MALT1: variants seen among roughly 807,000 people sequenced by gnomAD.
MALT1 encodes MALT1 paracaspase, also known as mucosa-associated lymphoid tissue lymphoma translocation protein 1.
A neutral mutation model predicts 85.5 loss-of-function variants in MALT1; 36 were observed. That is an observed-to-expected ratio of 0.42 (90% confidence interval 0.32 to 0.56). The LOEUF (loss-of-function observed/expected upper bound fraction) is 0.56, where lower values mean the gene tolerates loss of function less well. Among genes scored for constraint, MALT1 ranks in the 20% least tolerant of loss-of-function variants. The pLI, the probability that MALT1 is intolerant of heterozygous loss-of-function variation, is 0.10. For missense variants in MALT1, 716 were observed against 981.6 expected (o/e 0.73, Z 3.62); for synonymous variants, 359 against 361.3 (o/e 0.99, Z 0.07).
At position 58,752,026 on chromosome 18, in the gene MALT1, T is replaced by G. The variant is rs777757124; in HGVS notation, c.*4184T>G. 1 of 152,240 alleles carries G rather than the reference T, an allele frequency of 6.6e-6. No individual in the cohort carries two copies. Among genetic ancestry groups the G allele is most frequent in the Non-Finnish European group, 1.5e-5 (1 of 68,040 alleles). The allele number at this position is 152,240 out of a possible 1,614,324, so 9.4% of individuals were successfully genotyped here. A position where few individuals can be genotyped will look rare whatever the true frequency, so the allele number is the denominator to read the frequency against. ...CCCATCTCTAATGCCTCTTTTCAAA[T>G]CTCTGACTTGCACATGAAGTAACAG... On this transcript the variant is annotated 3_prime_UTR_variant, in exon 17 of 17. Transcript: ENST00000649217.
rs558928879 is a variant in MALT1 at position 58,733,376 on chromosome 18, TCTTA to T, written c.1223-20_1223-17del. ...CATTTAGAATTGACATCTATCTCTCTCTTATTTTTCCTCTTTTCAGGGTTATTAT... is the reference window on the plus strand; with the variant it reads ...CATTTAGAATTGACATCTATCTCTCTTTTTTCCTCTTTTCAGGGTTATTAT... On this transcript the variant is annotated splice_polypyrimidine_tract_variant and intron_variant, in intron 10 of 16. Coordinates refer to ENST00000649217, the MANE Select transcript of MALT1 (RefSeq NM_006785.4). The T allele has an allele frequency of 7.9e-3, 12,179 of 1,533,728 alleles. 63 individuals are homozygous for T. Among genetic ancestry groups the T allele is most frequent in the Non-Finnish European group, 9.7e-3 (10,941 of 1,123,698 alleles).
At chr18:58,738,628 A>G (rs997093971) in intron 13 of MALT1, among the ~76,000 whole-genome samples, 8 of 152,206 alleles carry the variant, frequency 5.3e-5, no homozygotes, top group African/African-American at 1.9e-4. Context: ...CCAGCAAGGG[A>G]TAATGTGAAT....
At chr18:58,731,105 C>A (rs947608018) in intron 10 of MALT1, among the ~76,000 whole-genome samples, 1 of 152,170 alleles carries the variant, frequency 6.6e-6, no homozygotes, top group African/African-American at 2.4e-5. Context: ...GCTCCCACCA[C>A]CACACTTAGC....
chr18:58,706,323 A>G (rs1040089192), intron 4 of MALT1, among the ~76,000 whole-genome samples: 2 of 151,970 alleles, frequency 1.3e-5, no homozygotes, highest in Non-Finnish European at 2.9e-5. Flanking sequence ...TGCCCGGGTA[A>G]TTTTTGTATT....
chr18:58,681,392 A>G, intron 2 of MALT1, 56 bp downstream of exon 2: 1 of 1,506,610 alleles, frequency 6.6e-7, no homozygotes, highest in Non-Finnish European at 9.0e-7. Context: ...AACTTAGAAG[A>G]AATTATCTCT....
chr18:58,689,019 A>T (rs1294348257), intron 2 of MALT1, among the ~76,000 whole-genome samples: 1 of 151,994 alleles, frequency 6.6e-6, no homozygotes, highest in Non-Finnish European at 1.5e-5. Flanking sequence ...GGGTATGGTG[A>T]TGCACACCCG....
chr18:58,707,386 A>G (rs927398440), intron 4 of MALT1, among the ~76,000 whole-genome samples: 4 of 150,214 alleles, frequency 2.7e-5, no homozygotes, highest in Non-Finnish European at 5.9e-5. Context: ...ACAAGTAAAC[A>G]TGGTTTATTT....
chr18:58,710,107 A>G (rs745384854), intron 6 of MALT1, 35 bp downstream of exon 6: 2 of 1,330,942 alleles, frequency 1.5e-6, no homozygotes, highest in East Asian at 4.6e-5. Flanking sequence ...TGACAAGTGG[A>G]CTATAATATA....
At chr18:58,699,759 G>A (rs1028584728) in intron 3 of MALT1, among the ~76,000 whole-genome samples, 1 of 152,240 alleles carries the variant, frequency 6.6e-6, no homozygotes, top group African/African-American at 2.4e-5. Context: ...CCTTGGCAAT[G>A]TGCCAAAGTT....
At chr18:58,693,390 C>T (rs2054542367) in intron 2 of MALT1, among the ~76,000 whole-genome samples, 1 of 152,150 alleles carries the variant, frequency 6.6e-6, no homozygotes, top group African/African-American at 2.4e-5. Context: ...CACTGCACTC[C>T]AGCCTAGGTA....
Position 58,741,845 on chromosome 18 carries a change from T to A in MALT1, c.1604-20T>A. On this transcript the variant is annotated intron_variant, in intron 13 of 16. Transcript: ENST00000649217. The stretch of plus-strand genomic sequence containing the variant: ...AGAATTGGTGGTCTTAAAAATAATA[T>A]TTATTTTCATATCTTTTAGATATGG... 1.4e-6 allele frequency: 2 copies of A among 1,418,966 alleles called. No individual in the cohort carries two copies. The highest frequency in any genetic ancestry group is 1.9e-6 in the Non-Finnish European group (2 of 1,046,358). The allele number at this position is 1,418,966 out of a possible 1,614,324, so 87.9% of individuals were successfully genotyped here.
At position 58,700,601 on chromosome 18, in the gene MALT1, G is replaced by C. The variant is rs770349160; in HGVS notation, c.649+10G>C. On this transcript the variant is annotated intron_variant, in intron 4 of 16. Transcript: ENST00000649217. Reference sequence around the variant, plus strand: ...CCAGAGAGCTTCCAGAGTAAGTAACGAAAGAAGCTGAATGTTGGGATGGGG... The same window carrying C: ...CCAGAGAGCTTCCAGAGTAAGTAACCAAAGAAGCTGAATGTTGGGATGGGG... 1 of 1,578,080 alleles carries C rather than the reference G, an allele frequency of 6.3e-7. No homozygotes were observed. Among genetic ancestry groups the C allele is most frequent in the South Asian group, 1.2e-5 (1 of 83,774 alleles).
chr18:58,672,447 C>G (rs917813503), intron 1 of MALT1: 1 of 152,040 alleles, frequency 6.6e-6, no homozygotes, highest in Non-Finnish European at 1.5e-5. Flanking sequence ...AACTATTTTC[C>G]TTGTTAGGTT....
chr18:58,675,737 C>T (rs181940058), intron 1 of MALT1, among the ~76,000 whole-genome samples: 20 of 152,316 alleles, frequency 1.3e-4, no homozygotes, highest in Non-Finnish European at 2.6e-4. Flanking sequence ...TTGGTCTTAT[C>T]CTTCAGTCCC....
At chr18:58,731,546 A>G (rs2055149510) in intron 10 of MALT1, among the ~76,000 whole-genome samples, 1 of 152,016 alleles carries the variant, frequency 6.6e-6, no homozygotes, top group Non-Finnish European at 1.5e-5. Context: ...TCCAGGTCCA[A>G]TCCGTGTTTA....
intron 2 of MALT1, among the ~76,000 whole-genome samples, chr18:58,684,119 T>C (rs1415813092): frequency 6.6e-6 from 1 of 152,016 alleles, no homozygotes; most frequent in East Asian, 1.9e-4. Context: ...TTTTGGTAGA[T>C]ACGGGGTTTT....
intron 13 of MALT1, among the ~76,000 whole-genome samples, chr18:58,739,857 T>C (rs940275813): frequency 3.9e-5 from 6 of 152,204 alleles, no homozygotes; most frequent in African/African-American, 1.4e-4. Flanking sequence ...GCGCCCATCT[T>C]GTTGGTACTG....
chr18:58,714,905 T>C (rs2054879280), intron 8 of MALT1, among the ~76,000 whole-genome samples: 1 of 152,242 alleles, frequency 6.6e-6, no homozygotes, highest in South Asian at 2.1e-4. Context: ...TCTCATTATT[T>C]TAGCATCATT....
chr18:58,733,665 G>C (rs2055185339), intron 11 of MALT1, 91 bp downstream of exon 11: 2 of 1,066,444 alleles, frequency 1.9e-6, no homozygotes, highest in Admixed American at 5.8e-5. Flanking sequence ...AAAGCCATTT[G>C]CGTTTGTGAA....
Sources: allele counts gnomAD v4.1 joint callset (sites outside exome capture counted in the v4.1 genomes callset), GRCh38; gene constraint gnomAD v4.1.1; transcripts MANE v1.5; gene names NCBI Gene and HGNC (gene_info 2026-07-23, HGNC 2026-07-21).